TRAM2: variants seen among roughly 807,000 people sequenced by gnomAD.
The protein encoded by TRAM2 is translocating chain-associated membrane protein 2.
A neutral mutation model predicts 51.0 loss-of-function variants in TRAM2; 12 were observed. That is an observed-to-expected ratio of 0.24 (90% confidence interval 0.15 to 0.38). The LOEUF (loss-of-function observed/expected upper bound fraction) is 0.38. TRAM2 is among the 10% of genes least tolerant of loss of function. The pLI is 1.00. For synonymous variants in TRAM2, 175 were observed against 179.4 expected (o/e 0.98, Z 0.20); for missense variants, 361 against 462.0 (o/e 0.78, Z 2.00).
rs1421536135 is a variant in TRAM2, at chr6:52,503,053, G to A, written c.*144C>T. 5.6e-6 allele frequency: 4 copies of A among 710,864 alleles called. No individual in the cohort carries two copies. Among genetic ancestry groups the A allele is most frequent in the African/African-American group, 3.6e-5 (2 of 56,332 alleles). 44.0% of individuals were successfully genotyped at this position (710,864 alleles called of 1,614,324 possible). Reference sequence around the variant, plus strand: ...AAGCCAAGAAGAAGGAAAGCGAAACGCCCCCTCCCCCCATTGCAAGACAGG... The same window carrying A: ...AAGCCAAGAAGAAGGAAAGCGAAACACCCCCTCCCCCCATTGCAAGACAGG... On this transcript the variant is annotated 3_prime_UTR_variant, in exon 11 of 11. Transcript: ENST00000182527.
chr6:52,502,101 G>A lies in TRAM2; in HGVS notation c.*1096C>T, dbSNP rs536885693. 2.0e-5 allele frequency: 3 copies of A among 152,382 alleles called. No individual in the cohort carries two copies. The highest frequency in any genetic ancestry group is 4.4e-5 in the Non-Finnish European group (3 of 68,096). The allele number at this position is 152,382 out of a possible 1,614,324, so 9.4% of individuals were successfully genotyped here. Reference sequence around the variant, plus strand: ...CAACAAGGGCGGCCAGATGAACAGCGGTCCAAGTGACCCTCCCTGAACACC... The same window carrying A: ...CAACAAGGGCGGCCAGATGAACAGCAGTCCAAGTGACCCTCCCTGAACACC... On this transcript the variant is annotated 3_prime_UTR_variant, in exon 11 of 11. Coordinates refer to ENST00000182527, the MANE Select transcript of TRAM2 (RefSeq NM_012288.4).
intron 1 of TRAM2, among the ~76,000 whole-genome samples, chr6:52,560,945 G>A (rs755364812): frequency 5.3e-5 from 8 of 152,248 alleles, no homozygotes; most frequent in Non-Finnish European, 7.4e-5. Flanking sequence ...ACTTGCACAC[G>A]CGTGTTCAGA....
At chr6:52,564,752 G>C (rs1767561865) in intron 1 of TRAM2, among the ~76,000 whole-genome samples, 1 of 152,136 alleles carries the variant, frequency 6.6e-6, no homozygotes, top group Non-Finnish European at 1.5e-5. Flanking sequence ...GCTTGGCAGA[G>C]AGCAAATGCT....
At chr6:52,542,116 CCT>C (rs1767094803) in intron 1 of TRAM2, among the ~76,000 whole-genome samples, 1 of 152,062 alleles carries the variant, frequency 6.6e-6, no homozygotes, top group Non-Finnish European at 1.5e-5. Context: ...CCCAGCTCGG[CCT>C]GTTTTTGGAA....
At position 52,500,545 on chromosome 6, in the gene TRAM2, T is replaced by TA. The variant is rs1766197090; in HGVS notation, c.*2651dup. On this transcript the variant is annotated 3_prime_UTR_variant, in exon 11 of 11. Coordinates refer to ENST00000182527, the MANE Select transcript of TRAM2 (RefSeq NM_012288.4). ...TTTTTTTTGTTTTTTTTTTTTTTTT[T>TA]ACATAAAATAAACCCTTAGCACACC... is the stretch of plus-strand genomic sequence containing the variant. 2.1e-5 allele frequency: 3 copies of TA among 141,054 alleles called. No individual in the cohort carries two copies. The highest frequency in any genetic ancestry group is 4.7e-5 in the Non-Finnish European group (3 of 63,962). The allele number at this position is 141,054 out of a possible 1,614,324, so 8.7% of individuals were successfully genotyped here. A position where few individuals can be genotyped will look rare whatever the true frequency, so the allele number is the denominator to read the frequency against.
At chr6:52,507,830 CT>C (rs1766376929) in intron 6 of TRAM2, among the ~76,000 whole-genome samples, 1 of 152,058 alleles carries the variant, frequency 6.6e-6, no homozygotes, top group South Asian at 2.1e-4. Context: ...TTCCAGCAGC[CT>C]TGGGTCTAGT....
intron 2 of TRAM2, 162 bp from the exon 3 acceptor site, chr6:52,516,899 C>T: frequency 3.2e-6 from 2 of 623,402 alleles, no homozygotes; most frequent in Non-Finnish European, 5.7e-6. Flanking sequence ...CCTGCCCACC[C>T]TCTGGTCTTA....
intron 2 of TRAM2, among the ~76,000 whole-genome samples, chr6:52,528,886 CTTTTTTTTTTTT>C (rs144917424): frequency 0.26 from 33,871 of 128,732 alleles, 4,189 homozygotes; most frequent in East Asian, 0.55. Flanking sequence ...GTGTACATGA[CTTTTTTTTTTTT>C]TTTTTTTTTT....
At chr6:52,568,435 A>G (rs1767625354) in intron 1 of TRAM2, among the ~76,000 whole-genome samples, 1 of 152,206 alleles carries the variant, frequency 6.6e-6, no homozygotes, top group African/African-American at 2.4e-5. Flanking sequence ...CTCCAAAACC[A>G]TGGGTCTGAA....
At chr6:52,556,611 G>A (rs1202613831) in intron 1 of TRAM2, among the ~76,000 whole-genome samples, 1 of 151,798 alleles carries the variant, frequency 6.6e-6, no homozygotes, top group Non-Finnish European at 1.5e-5. Context: ...CAGTCTTCGT[G>A]GGTCAGGCAG....
chr6:52,503,296 A>G, intron 10 of TRAM2, 26 bp from the exon 11 acceptor site: 2 of 1,604,330 alleles, frequency 1.2e-6, no homozygotes, highest in Non-Finnish European at 1.7e-6. Flanking sequence ...AGACAAGCAT[A>G]CATGGTGTTT....
At chr6:52,554,298 A>C (rs988174640) in intron 1 of TRAM2, among the ~76,000 whole-genome samples, 1 of 152,060 alleles carries the variant, frequency 6.6e-6, no homozygotes, top group African/African-American at 2.4e-5. Flanking sequence ...GTAGAGGCAG[A>C]TGGATCACCT....
intron 1 of TRAM2, among the ~76,000 whole-genome samples, chr6:52,571,176 G>T (rs1767674386): frequency 6.6e-6 from 1 of 152,224 alleles, no homozygotes; most frequent in East Asian, 1.9e-4. Flanking sequence ...ACCAAAGCCT[G>T]CTAATAGCGC....
intron 1 of TRAM2, among the ~76,000 whole-genome samples, chr6:52,541,598 G>A (rs557514476): frequency 6.6e-6 from 1 of 152,278 alleles, no homozygotes; most frequent in Admixed American, 6.5e-5. Flanking sequence ...ATGTCTGACA[G>A]AGCAAGAAAA....
chr6:52,546,447 G>A (rs1767201615), intron 1 of TRAM2, among the ~76,000 whole-genome samples: 1 of 152,044 alleles, frequency 6.6e-6, no homozygotes, highest in East Asian at 1.9e-4. Context: ...GGAGACGGGA[G>A]GTGAGCTAGG....
At chr6:52,505,888 T>C in intron 8 of TRAM2, 144 bp downstream of exon 8, 1 of 1,398,006 alleles carries the variant, frequency 7.2e-7, no homozygotes, top group Non-Finnish European at 9.7e-7. Flanking sequence ...TAAAATCAGA[T>C]GTTCCAGAAA....
At chr6:52,570,797 C>CA (rs201203133) in intron 1 of TRAM2, among the ~76,000 whole-genome samples, 26 of 112,994 alleles carry the variant, frequency 2.3e-4, no homozygotes, top group African/African-American at 5.4e-4. Flanking sequence ...TGCCCACCAC[C>CA]CCCCCCCCCA....
At chr6:52,549,736 G>A (rs893247873) in intron 1 of TRAM2, among the ~76,000 whole-genome samples, 19 of 152,182 alleles carry the variant, frequency 1.2e-4, no homozygotes, top group Non-Finnish European at 2.6e-4. Context: ...TTTAAGTGGT[G>A]CTTGAGTATT....
intron 1 of TRAM2, among the ~76,000 whole-genome samples, chr6:52,553,745 A>T (rs1174608091): frequency 6.6e-6 from 1 of 152,232 alleles, no homozygotes; most frequent in East Asian, 1.9e-4. Context: ...GGAGTTGTTC[A>T]GTTGCTTGGT....
Sources: gnomAD v4.1 joint callset for allele counts (sites outside exome capture counted in the v4.1 genomes callset) on GRCh38, gnomAD v4.1.1 for gene constraint, MANE v1.5 for transcripts, NCBI Gene and HGNC (gene_info 2026-07-23, HGNC 2026-07-21) for gene names.